GNG7: variants seen among roughly 807,000 people sequenced by gnomAD.
GNG7 encodes G protein subunit gamma 7, also known as guanine nucleotide-binding protein G(I)/G(S)/G(O) subunit gamma-7.
Under a neutral mutation model 4.0 loss-of-function variants are expected in GNG7, and 1 was observed. The ratio of observed to expected loss-of-function variants is 0.25; its 90% confidence interval spans 0.09 to 1.18. The LOEUF is 1.18. Among genes scored for constraint, GNG7 ranks in the 50% most tolerant of loss-of-function variants. GNG7 has a pLI of 0.50. For synonymous variants in GNG7, 34 were observed against 36.9 expected (o/e 0.92, Z 0.29); for missense variants, 86 against 91.9 (o/e 0.94, Z 0.26).
chr19:2,641,358 A>C (rs922157871), intron 2 of GNG7, among the ~76,000 whole-genome samples: 2 of 152,230 alleles, frequency 1.3e-5, no homozygotes, highest in African/African-American at 4.8e-5. Context: ...AAGGGACCGC[A>C]GATGGGATGA....
At chr19:2,697,582 A>G (rs1259093466) in intron 1 of GNG7, among the ~76,000 whole-genome samples, 1 of 152,244 alleles carries the variant, frequency 6.6e-6, no homozygotes, top group Non-Finnish European at 1.5e-5. Context: ...AGCAGTGACA[A>G]GTGAAGTCAA....
At chr19:2,670,425 G>A (rs114140407) in intron 1 of GNG7, among the ~76,000 whole-genome samples, 3,075 of 152,296 alleles carry the variant, frequency 0.02, 97 homozygotes, top group African/African-American at 0.07. Flanking sequence ...TCCCAGCGCC[G>A]GTGTCTGCAG....
At chr19:2,693,384 C>A (rs1229046379) in intron 1 of GNG7, among the ~76,000 whole-genome samples, 1 of 148,472 alleles carries the variant, frequency 6.7e-6, no homozygotes, top group African/African-American at 2.5e-5. Flanking sequence ...CCACTGTACT[C>A]CAGCCTGGGT....
intron 2 of GNG7, among the ~76,000 whole-genome samples, chr19:2,589,720 T>C (rs1207250656): frequency 6.6e-6 from 1 of 152,152 alleles, no homozygotes; most frequent in Non-Finnish European, 1.5e-5. Flanking sequence ...ATTTAAAACC[T>C]CACTGCATAC....
intron 2 of GNG7, among the ~76,000 whole-genome samples, chr19:2,602,051 T>C (rs1981214096): frequency 6.6e-6 from 1 of 151,682 alleles, no homozygotes; most frequent in Admixed American, 6.6e-5. Flanking sequence ...GGAGAAGCAC[T>C]AGAAGCCGGG....
chr19:2,513,902 C>G lies in GNG7; in HGVS notation c.*1120G>C, dbSNP rs1312673281. The G allele has an allele frequency of 9.3e-6, 1 of 107,374 alleles. No homozygotes were observed. The highest frequency in any genetic ancestry group is 3.1e-4 in the East Asian group (1 of 3,238). The allele number at this position is 107,374 out of a possible 1,614,324, so 6.7% of individuals were successfully genotyped here. ...AAGCCTCTCCCAGCCACGCGGATGCCTCATGCTTAAAACACACTGGGCGCG... is the reference window on the plus strand; with the variant it reads ...AAGCCTCTCCCAGCCACGCGGATGCGTCATGCTTAAAACACACTGGGCGCG... On this transcript the variant is annotated 3_prime_UTR_variant, in exon 5 of 5. Coordinates refer to ENST00000382159, the MANE Select transcript of GNG7 (RefSeq NM_052847.3).
chr19:2,681,238 C>T (rs571555319), intron 1 of GNG7, among the ~76,000 whole-genome samples: 2 of 152,136 alleles, frequency 1.3e-5, no homozygotes, highest in East Asian at 1.9e-4. Context: ...GGCTGGAATG[C>T]AGTGGCACGA....
chr19:2,637,306 G>C (rs1290253910), intron 2 of GNG7, among the ~76,000 whole-genome samples: 1 of 152,050 alleles, frequency 6.6e-6, no homozygotes, highest in African/African-American at 2.4e-5. Context: ...TCACGGTGCT[G>C]GTTTTGTCAT....
chr19:2,600,838 G>A (rs903914298), intron 2 of GNG7, among the ~76,000 whole-genome samples: 13 of 151,862 alleles, frequency 8.6e-5, no homozygotes, highest in African/African-American at 2.2e-4. Context: ...CCAACCCCTG[G>A]GTGTCCCTGG....
At chr19:2,595,031 G>A (rs1980972117) in intron 2 of GNG7, 1 of 151,912 alleles carries the variant, frequency 6.6e-6, no homozygotes, top group African/African-American at 2.4e-5. Flanking sequence ...GAGGTGGGAG[G>A]ATCGCTTGAG....
chr19:2,552,848 T>TCCCCCCCCCCCC (rs1555693069), intron 3 of GNG7, among the ~76,000 whole-genome samples: 1 of 84,524 alleles, frequency 1.2e-5, no homozygotes. Context: ...TCCTCCCGGC[T>TCCCCCCCCCCCC]CCACCCCCCC....
rs544941075 is a variant in GNG7, at chr19:2,557,346, C to G, written c.-77-2158G>C. Among the ~76,000 whole-genome samples the G allele has an allele frequency of 1.1e-5, 1 of 94,742 alleles. No individual in the cohort carries two copies. The highest frequency in any genetic ancestry group is 3.4e-5 in the African/African-American group (1 of 29,438). 62.2% of individuals were successfully genotyped at this position (94,742 alleles called of 152,430 possible). On this transcript the variant is annotated intron_variant, in intron 2 of 4. Transcript: ENST00000382159. This position sits in a 1 kb window ranked among gnomAD's most constrained non-coding sequence, Gnocchi z 5.1. ...ATGTGCACACAGACACACACATGTGCACACACACAGACACACACACACGTG... is the reference window on the plus strand; with the variant it reads ...ATGTGCACACAGACACACACATGTGGACACACACAGACACACACACACGTG...
chr19:2,661,348 G>T (rs1460214826), intron 1 of GNG7, among the ~76,000 whole-genome samples: 8 of 146,352 alleles, frequency 5.5e-5, no homozygotes, highest in African/African-American at 2.0e-4. Flanking sequence ...AAGAAAGAAA[G>T]AAAGAAAGAA....
In GNG7 at chr19:2,511,779, G is replaced by A. The variant is rs919005032; in HGVS notation, c.*3243C>T. 33 of 984,436 alleles carry A rather than the reference G, an allele frequency of 3.4e-5. No individual in the cohort carries two copies. The highest frequency in any genetic ancestry group is 1.8e-4 in the Admixed American group (3 of 16,264). 61.0% of individuals were successfully genotyped at this position (984,436 alleles called of 1,614,324 possible). ...GAGCACCTTCCGCCCTGGCCCAGCC[G>A]CCCCGTTTATGTCCCCAGAGGCCAG... On this transcript the variant is annotated 3_prime_UTR_variant, in exon 5 of 5. Transcript: ENST00000382159. The surrounding 1 kb of genome is among the most constrained non-coding windows in gnomAD (Gnocchi z 6.3).
chr19:2,605,264 T>C (rs1981342139), intron 2 of GNG7, among the ~76,000 whole-genome samples: 1 of 151,820 alleles, frequency 6.6e-6, no homozygotes, highest in Admixed American at 6.6e-5. Flanking sequence ...CCAGACACCA[T>C]CTCGGCTCAC....
Position 2,656,872 on chromosome 19 carries a change from T to C in GNG7, c.-134-10592A>G, listed in dbSNP as rs1329637159. Reference sequence around the variant, plus strand: ...TACTAGAGTTAGATCTCAGAGGACCTTGAATGCCAGAAACGAGTAAGTCCT... The same window carrying C: ...TACTAGAGTTAGATCTCAGAGGACCCTGAATGCCAGAAACGAGTAAGTCCT... On this transcript the variant is annotated intron_variant, in intron 1 of 4. Coordinates refer to ENST00000382159, the MANE Select transcript of GNG7 (RefSeq NM_052847.3). Among the ~76,000 whole-genome samples, 4 of 152,132 alleles carry C rather than the reference T, an allele frequency of 2.6e-5. No individual in the cohort carries two copies. In the East Asian group the frequency reaches 7.7e-4, roughly 29 times the overall value.
At chr19:2,641,828 G>GGT (rs1982516461) in intron 2 of GNG7, 1 of 150,358 alleles carries the variant, frequency 6.7e-6, no homozygotes, top group African/African-American at 2.5e-5. Flanking sequence ...CACCTGGCTG[G>GGT]TTTTTTTTGT....
At chr19:2,616,694 A>G (rs1478578390) in intron 2 of GNG7, among the ~76,000 whole-genome samples, 1 of 150,924 alleles carries the variant, frequency 6.6e-6, no homozygotes, top group Non-Finnish European at 1.5e-5. Context: ...AATTGCTTGA[A>G]CCCGGGAGGC....
At chr19:2,644,636 C>T (rs1982617778) in intron 2 of GNG7, among the ~76,000 whole-genome samples, 1 of 152,052 alleles carries the variant, frequency 6.6e-6, no homozygotes. Flanking sequence ...TCCCATGCCC[C>T]TCCCAGTCTC....
Sources: allele counts gnomAD v4.1 joint callset (sites outside exome capture counted in the v4.1 genomes callset), GRCh38; gene constraint gnomAD v4.1.1; non-coding constraint Gnocchi (gnomAD v3.1); transcripts MANE v1.5; gene names NCBI Gene and HGNC (gene_info 2026-07-23, HGNC 2026-07-21).